PLCL1: variants seen among roughly 807,000 people sequenced by gnomAD.
The protein encoded by PLCL1 is inactive phospholipase C-like protein 1.
Under a neutral mutation model 84.4 loss-of-function variants are expected in PLCL1, and 41 were observed. The observed-to-expected ratio is 0.49, with a 90% CI of 0.38 to 0.63. The LOEUF is 0.63. Among genes scored for constraint, PLCL1 ranks in the 30% least tolerant of loss-of-function variants. The probability of loss-of-function intolerance (pLI) is 0.00; values close to 1 mark genes in which losing one functional copy is unlikely to be tolerated. For missense variants in PLCL1, 1,206 were observed against 1,367.8 expected, an observed-to-expected ratio of 0.88 and a Z score of 1.87; for synonymous variants, 490 against 488.3, an observed-to-expected ratio of 1.00 and a Z score of -0.05.
intron 1 of PLCL1, among the ~76,000 whole-genome samples, chr2:197,958,845 A>G: frequency 6.6e-6 from 1 of 151,976 alleles, no homozygotes; most frequent in Non-Finnish European, 1.5e-5. Context: ...TCACATATCT[A>G]GTAAGTGGTA....
intron 1 of PLCL1, among the ~76,000 whole-genome samples, chr2:197,830,286 G>A (rs966756974): frequency 1.3e-5 from 2 of 151,946 alleles, no homozygotes; most frequent in African/African-American, 4.8e-5. Flanking sequence ...AAAGGTTAGA[G>A]GGATTGCTAA....
chr2:197,813,217 G>A (rs1276545106), intron 1 of PLCL1, among the ~76,000 whole-genome samples: 1 of 152,160 alleles, frequency 6.6e-6, no homozygotes, highest in African/African-American at 2.4e-5. Flanking sequence ...TTGTTGGGTT[G>A]GGGAGGAGAG....
At chr2:198,020,036 T>C (rs907569310) in intron 1 of PLCL1, among the ~76,000 whole-genome samples, 4 of 152,104 alleles carry the variant, frequency 2.6e-5, no homozygotes, top group Admixed American at 1.3e-4. Flanking sequence ...TAACAGCATA[T>C]CTCTCTGCAG....
In PLCL1 at chr2:198,088,969, G is replaced by A. The variant is rs1053892689; in HGVS notation, c.2827G>A (p.Val943Ile). The part of the protein sequence containing the change: ...RLITSDNTPS[V>I]SLVMKDSFPY... ...CATCACCAGTGACAATACTCCTTCA[G>A]TCTCACTTGTGATGAAAGACAGCTT... The change falls in exon 3 of 6, where the codon GTC becomes ATC. Residue 943 changes from valine (V) to isoleucine (I), a missense_variant. By Grantham distance (29) the Val-to-Ile change is conservative. Coordinates refer to ENST00000428675, the MANE Select transcript of PLCL1 (RefSeq NM_006226.4). 6 of 1,613,314 alleles carry A rather than the reference G, an allele frequency of 3.7e-6. No individual in the cohort carries two copies. The highest frequency in any genetic ancestry group is 1.7e-5 in the Admixed American group (1 of 60,004).
At chr2:197,996,892 G>A (rs1286913938) in intron 1 of PLCL1, among the ~76,000 whole-genome samples, 1 of 152,184 alleles carries the variant, frequency 6.6e-6, no homozygotes, top group African/African-American at 2.4e-5. Flanking sequence ...CTGCACTAAT[G>A]ACATTAGGGT....
At chr2:197,950,225 A>C (rs1439073918) in intron 1 of PLCL1, among the ~76,000 whole-genome samples, 8 of 152,124 alleles carry the variant, frequency 5.3e-5, no homozygotes, top group Non-Finnish European at 1.5e-5. Context: ...GGCTGCTTCC[A>C]ACTAGTAGAG....
At chr2:198,022,316 A>T (rs1691155369) in intron 1 of PLCL1, among the ~76,000 whole-genome samples, 1 of 152,202 alleles carries the variant, frequency 6.6e-6, no homozygotes, top group Admixed American at 6.5e-5. Flanking sequence ...CAAATGCTGG[A>T]TGCATTCCCT....
chr2:197,979,775 A>G (rs921312156), intron 1 of PLCL1, among the ~76,000 whole-genome samples: 1 of 152,100 alleles, frequency 6.6e-6, no homozygotes, highest in Non-Finnish European at 1.5e-5. Flanking sequence ...GGCTTGAAAG[A>G]TCCCTCTAAT....
intron 1 of PLCL1, among the ~76,000 whole-genome samples, chr2:197,849,227 T>TA (rs1365702829): frequency 6.6e-6 from 1 of 152,080 alleles, no homozygotes; most frequent in African/African-American, 2.4e-5. Context: ...GTCATATGTG[T>TA]AATTGAAAGC....
rs551818430 is a variant in PLCL1, at chr2:197,895,945, T to G, written c.240+90606T>G. ...ACTGTCATGTATAATGATGTGGGGTTTTTTTTGGTAATTGCTGTCCTCATT... is the reference window on the plus strand; with the variant it reads ...ACTGTCATGTATAATGATGTGGGGTGTTTTTTGGTAATTGCTGTCCTCATT... On this transcript the variant is annotated intron_variant, in intron 1 of 5. Transcript: ENST00000428675. Among the ~76,000 whole-genome samples, 48 of 151,896 alleles carry G rather than the reference T, an allele frequency of 3.2e-4. 2 individuals carry two copies. Among genetic ancestry groups the G allele is most frequent in the Non-Finnish European group, 4.9e-4 (33 of 67,930 alleles).
At chr2:198,067,617 T>C (rs189231410) in intron 1 of PLCL1, among the ~76,000 whole-genome samples, 2 of 152,258 alleles carry the variant, frequency 1.3e-5, no homozygotes, top group Non-Finnish European at 2.9e-5. Context: ...AGCATAGTAG[T>C]AAAATGTAGA....
intron 1 of PLCL1, among the ~76,000 whole-genome samples, chr2:197,876,978 A>G (rs886995148): frequency 1.3e-5 from 2 of 152,098 alleles, no homozygotes; most frequent in Non-Finnish European, 2.9e-5. Context: ...CAAGGTTGAC[A>G]TTTTTGTTTT....
At chr2:197,952,488 A>G (rs1689406397) in intron 1 of PLCL1, among the ~76,000 whole-genome samples, 1 of 152,168 alleles carries the variant, frequency 6.6e-6, no homozygotes, top group Non-Finnish European at 1.5e-5. Context: ...AGCAGCACCC[A>G]GGTGCCAGCA....
At chr2:197,880,699 T>A (rs1011547849) in intron 1 of PLCL1, among the ~76,000 whole-genome samples, 6 of 152,064 alleles carry the variant, frequency 3.9e-5, no homozygotes, top group African/African-American at 1.4e-4. Context: ...ATATTTATAG[T>A]TTTTTGTTTT....
At chr2:197,937,622 A>T (rs1275533367) in intron 1 of PLCL1, among the ~76,000 whole-genome samples, 1 of 152,228 alleles carries the variant, frequency 6.6e-6, no homozygotes, top group African/African-American at 2.4e-5. Flanking sequence ...CACCAAGCAC[A>T]CTATAATGTT....
intron 1 of PLCL1, among the ~76,000 whole-genome samples, chr2:197,882,255 T>A (rs1417250201): frequency 2.0e-5 from 3 of 152,116 alleles, no homozygotes; most frequent in African/African-American, 7.2e-5. Context: ...AGCCCCAGCA[T>A]GTTCCAAGAA....
chr2:198,121,164 TAG>T (rs1693858183), intron 5 of PLCL1, among the ~76,000 whole-genome samples: 1 of 152,068 alleles, frequency 6.6e-6, no homozygotes, highest in Non-Finnish European at 1.5e-5. Flanking sequence ...ATCAGATTAT[TAG>T]AGTTTTTCCT....
chr2:198,129,457 T>G (rs1360364205), intron 5 of PLCL1, among the ~76,000 whole-genome samples: 1 of 152,110 alleles, frequency 6.6e-6, no homozygotes, highest in Non-Finnish European at 1.5e-5. Flanking sequence ...AATCCACCTA[T>G]GACCTGTAAG....
At chr2:197,963,387 T>A (rs1689662129) in intron 1 of PLCL1, among the ~76,000 whole-genome samples, 1 of 152,192 alleles carries the variant, frequency 6.6e-6, no homozygotes, top group South Asian at 2.1e-4. Flanking sequence ...ATGTCTTCTT[T>A]TGAGAAATAT....
Sources: allele counts gnomAD v4.1 joint callset (sites outside exome capture counted in the v4.1 genomes callset), GRCh38; gene constraint gnomAD v4.1.1; transcripts MANE v1.5; gene names NCBI Gene and HGNC (gene_info 2026-07-23, HGNC 2026-07-21).